CNOT9: variants seen among roughly 807,000 people sequenced by gnomAD.
CNOT9 encodes RCD1 required for cell differentiation1 homolog.
CNOT9 carries 8 observed loss-of-function variants against 37.4 expected under a neutral mutation model. The observed-to-expected ratio is 0.21, with a 90% CI of 0.13 to 0.39. The LOEUF is 0.39. Among genes scored for constraint, CNOT9 ranks in the 10% least tolerant of loss-of-function variants. The probability of loss-of-function intolerance (pLI) is 1.00; values close to 1 mark genes in which losing one functional copy is unlikely to be tolerated. For synonymous variants in CNOT9, 120 were observed against 137.6 expected (o/e 0.87, Z 0.90); for missense variants, 154 against 365.3 (o/e 0.42, Z 4.71).
At chr2:218,591,562 G>A (rs1242786182) in intron 5 of CNOT9, among the ~76,000 whole-genome samples, 2 of 152,118 alleles carry the variant, frequency 1.3e-5, no homozygotes, top group Admixed American at 6.6e-5. Context: ...AGCCAAGACG[G>A]TGAAACCCCG....
At chr2:218,580,529 A>ACAT (rs1694340007) in intron 1 of CNOT9, 32 bp from the exon 2 acceptor site, 1 of 1,560,864 alleles carries the variant, frequency 6.4e-7, no homozygotes, top group Admixed American at 2.0e-5. Flanking sequence ...ACTCTAATAA[A>ACAT]CTGATATTTA....
chr2:218,580,452 C>T (rs775151123), intron 1 of CNOT9, 109 bp from the exon 2 acceptor site: 5 of 886,426 alleles, frequency 5.6e-6, no homozygotes, highest in African/African-American at 3.4e-5. Flanking sequence ...TATTTAGAAA[C>T]GCTCCCCTGG....
chr2:218,571,792 TCAGCCTGGTCTCGAACTCC>T (rs1694004018), intron 1 of CNOT9, among the ~76,000 whole-genome samples: 2 of 145,052 alleles, frequency 1.4e-5, no homozygotes, highest in Non-Finnish European at 1.5e-5. Flanking sequence ...TTCATGTTGG[TCAGCCTGGTCTCGAACTCC>T]TGACCTCAGG....
At chr2:218,580,879 G>A in intron 2 of CNOT9, 139 bp downstream of exon 2, 1 of 823,056 alleles carries the variant, frequency 1.2e-6, no homozygotes, top group South Asian at 1.5e-5. Flanking sequence ...TTTTAGAAAG[G>A]TCTGAGGTAT....
At chr2:218,574,862 G>A (rs1189645106) in intron 1 of CNOT9, among the ~76,000 whole-genome samples, 1 of 152,104 alleles carries the variant, frequency 6.6e-6, no homozygotes, top group Non-Finnish European at 1.5e-5. Flanking sequence ...TATGGTAGCA[G>A]TTACTTAGGT....
At chr2:218,580,808 C>G (rs902217830) in intron 2 of CNOT9, 68 bp downstream of exon 2, 6 of 1,419,768 alleles carry the variant, frequency 4.2e-6, no homozygotes, top group Non-Finnish European at 5.8e-6. Context: ...TTACCTTTGC[C>G]CAAATGATTT....
chr2:218,573,250 G>A (rs541588962), intron 1 of CNOT9, among the ~76,000 whole-genome samples: 2 of 151,290 alleles, frequency 1.3e-5, no homozygotes, highest in South Asian at 2.1e-4. Flanking sequence ...CCTGGGAGGC[G>A]CAGGTTATAG....
At chr2:218,576,166 T>G (rs982595614) in intron 1 of CNOT9, among the ~76,000 whole-genome samples, 2 of 152,220 alleles carry the variant, frequency 1.3e-5, no homozygotes, top group Non-Finnish European at 2.9e-5. Flanking sequence ...AATTACAGAT[T>G]CTTTTTGTGA....
intron 1 of CNOT9, among the ~76,000 whole-genome samples, chr2:218,577,008 T>C (rs1031325879): frequency 5.3e-5 from 8 of 152,120 alleles, no homozygotes; most frequent in African/African-American, 1.9e-4. Flanking sequence ...ATTTTGTCTT[T>C]CAGGCAGATG....
At chr2:218,570,981 G>C (rs188751212) in intron 1 of CNOT9, among the ~76,000 whole-genome samples, 1 of 152,120 alleles carries the variant, frequency 6.6e-6, no homozygotes, top group African/African-American at 2.4e-5. Flanking sequence ...AAACTAAAAC[G>C]TAAAAAGTTG....
intron 1 of CNOT9, among the ~76,000 whole-genome samples, chr2:218,571,674 C>T (rs536385274): frequency 6.7e-6 from 1 of 150,056 alleles, no homozygotes; most frequent in Non-Finnish European, 1.5e-5. Context: ...TGGGTTCAAG[C>T]AATTCTCCTG....
chr2:218,592,768 C>A lies in CNOT9; in HGVS notation c.731+61C>A. The A allele has an allele frequency of 7.6e-7, 1 of 1,308,408 alleles. No homozygotes were observed. The highest frequency in any genetic ancestry group is 1.1e-6 in the Non-Finnish European group (1 of 902,652). The allele number at this position is 1,308,408 out of a possible 1,614,324, so 81.0% of individuals were successfully genotyped here. A position where few individuals can be genotyped will look rare whatever the true frequency, so the allele number is the denominator to read the frequency against. On this transcript the variant is annotated intron_variant, in intron 7 of 7. Transcript: ENST00000273064. This position sits in a 1 kb window ranked among gnomAD's most constrained non-coding sequence, Gnocchi z 4.1. ...ATACTCTGCTGAACAGTTTCCTAAT[C>A]TCATGGCATAGCTCCTGTGTCTTTA...
At chr2:218,586,592 A>G (rs1694605264) in intron 4 of CNOT9, among the ~76,000 whole-genome samples, 1 of 151,296 alleles carries the variant, frequency 6.6e-6, no homozygotes, top group Non-Finnish European at 1.5e-5. Flanking sequence ...GGGTTCTAGC[A>G]ATTCTTCTGC....
chr2:218,568,880 C>T lies in CNOT9; in HGVS notation c.-75C>T, dbSNP rs1310202613. On this transcript the variant is annotated 5_prime_UTR_variant, in exon 1 of 8. Transcript: ENST00000273064. ...GCGGCTACGGCGGCTCATTGTTTTC[C>T]GCTGCAGGGGTGCTGAAGGGGGGAC... is the stretch of plus-strand genomic sequence containing the variant. 3.9e-6 allele frequency: 6 copies of T among 1,532,220 alleles called. No homozygotes were observed. Among genetic ancestry groups the T allele is most frequent in the Non-Finnish European group, 5.3e-6 (6 of 1,130,420 alleles). 94.9% of individuals were successfully genotyped at this position (1,532,220 alleles called of 1,614,324 possible).
At chr2:218,569,098 A>G in intron 1 of CNOT9, 120 bp downstream of exon 1, 4 of 1,084,536 alleles carry the variant, frequency 3.7e-6, no homozygotes, top group Non-Finnish European at 5.4e-6. Context: ...CTCAATCTCC[A>G]AGGCCCCGGT....
At chr2:218,589,109 T>G (rs1694692478) in intron 5 of CNOT9, 1 of 152,148 alleles carries the variant, frequency 6.6e-6, no homozygotes, top group South Asian at 2.1e-4. Context: ...TGCTCTAAAA[T>G]TTGCCTTGTC....
intron 1 of CNOT9, among the ~76,000 whole-genome samples, chr2:218,572,286 A>G (rs752958898): frequency 6.6e-6 from 1 of 152,176 alleles, no homozygotes; most frequent in African/African-American, 2.4e-5. Flanking sequence ...GTGCCATTGC[A>G]CTTCAGCCTG....
At position 218,592,419 on chromosome 2, in the gene CNOT9, A is replaced by C; in HGVS notation, c.639+17A>C. 6.3e-7 allele frequency: 1 copy of C among 1,594,192 alleles called. No individual in the cohort carries two copies. Among genetic ancestry groups the C allele is most frequent in the Non-Finnish European group, 8.6e-7 (1 of 1,161,964 alleles). On this transcript the variant is annotated intron_variant, in intron 6 of 7. Coordinates refer to ENST00000273064, the MANE Select transcript of CNOT9 (RefSeq NM_005444.3). The surrounding 1 kb of genome is among the most constrained non-coding windows in gnomAD (Gnocchi z 4.1). The stretch of plus-strand genomic sequence containing the variant: ...ATGATCTTGGTGAGTTCTTTCATCT[A>C]TCCCCTTTACAACTACTTCTCATCA...
At chr2:218,581,003 G>A (rs937833542) in intron 2 of CNOT9, 4 of 560,758 alleles carry the variant, frequency 7.1e-6, no homozygotes, top group Non-Finnish European at 1.4e-5. Context: ...AGGTGATTGT[G>A]ATGCAAGTGA....
Sources: gnomAD v4.1 joint callset for allele counts (sites outside exome capture counted in the v4.1 genomes callset) on GRCh38, gnomAD v4.1.1 for gene constraint, Gnocchi (gnomAD v3.1) non-coding constraint, MANE v1.5 for transcripts, NCBI Gene and HGNC (gene_info 2026-07-23, HGNC 2026-07-21) for gene names.